Variants in MACROD2 observed in about 807,000 individuals in gnomAD.
MACROD2 encodes ADP-ribose glycohydrolase MACROD2.
MACROD2 carries 36 observed loss-of-function variants against 70.4 expected under a neutral mutation model. The observed-to-expected ratio is 0.51, with a 90% CI of 0.39 to 0.68. The LOEUF (loss-of-function observed/expected upper bound fraction) is 0.68, where lower values mean the gene tolerates loss of function less well. Among genes scored for constraint, MACROD2 ranks in the 30% least tolerant of loss-of-function variants. MACROD2 has a pLI of 0.00. For missense variants in MACROD2, 496 were observed against 538.4 expected, an observed-to-expected ratio of 0.92 and a Z score of 0.78; for synonymous variants, 172 against 178.8, an observed-to-expected ratio of 0.96 and a Z score of 0.30.
At chr20:15,264,891 G>C (rs1344976390) in intron 6 of MACROD2, among the ~76,000 whole-genome samples, 1 of 152,146 alleles carries the variant, frequency 6.6e-6, no homozygotes, top group Non-Finnish European at 1.5e-5. Flanking sequence ...CTGGGGAATG[G>C]TGAGAAGTGA....
chr20:14,139,515 T>TTTCCCCATACATATATTCTAC (rs1194282963), intron 3 of MACROD2, among the ~76,000 whole-genome samples: 1 of 152,208 alleles, frequency 6.6e-6, no homozygotes, highest in African/African-American at 2.4e-5. Flanking sequence ...TCCCCATACT[T>TTTCCCCATACATATATTCTAC]ATATATTTTA....
chr20:14,725,712 G>A (rs895557481), intron 5 of MACROD2, among the ~76,000 whole-genome samples: 17 of 152,068 alleles, frequency 1.1e-4, no homozygotes, highest in Admixed American at 8.5e-4. Context: ...GCTGGTGACC[G>A]CTGGGAAACA....
At chr20:14,161,345 AC>A (rs1351725534) in intron 3 of MACROD2, among the ~76,000 whole-genome samples, 4 of 150,858 alleles carry the variant, frequency 2.7e-5, no homozygotes, top group Non-Finnish European at 5.9e-5. Context: ...ACGCCACCAC[AC>A]CCAGCTAATT....
intron 3 of MACROD2, among the ~76,000 whole-genome samples, chr20:14,276,769 A>G (rs1302699244): frequency 6.6e-6 from 1 of 152,162 alleles, no homozygotes; most frequent in African/African-American, 2.4e-5. Flanking sequence ...CATTAAGACT[A>G]TTATTTTCTG....
At chr20:14,243,923 A>G (rs973071627) in intron 3 of MACROD2, among the ~76,000 whole-genome samples, 4 of 152,206 alleles carry the variant, frequency 2.6e-5, no homozygotes, top group African/African-American at 7.2e-5. Flanking sequence ...CATATGCTAG[A>G]CAGGGCCAGG....
At chr20:16,001,094 G>T (rs1412934385) in intron 15 of MACROD2, among the ~76,000 whole-genome samples, 1 of 152,098 alleles carries the variant, frequency 6.6e-6, no homozygotes, top group Admixed American at 6.6e-5. Context: ...ATTTTGATTT[G>T]GATTTCAAAT....
intron 4 of MACROD2, among the ~76,000 whole-genome samples, chr20:14,508,575 A>G (rs895821655): frequency 2.6e-5 from 4 of 152,212 alleles, no homozygotes; most frequent in African/African-American, 9.6e-5. Flanking sequence ...TTAAAAGTTC[A>G]CTTTTCATCA....
chr20:15,657,629 T>A (rs1478799880), intron 8 of MACROD2, among the ~76,000 whole-genome samples: 1 of 152,204 alleles, frequency 6.6e-6, no homozygotes, highest in Non-Finnish European at 1.5e-5. Flanking sequence ...TTAAATGGGC[T>A]ACAGAAAAAT....
At chr20:14,481,912 G>A (rs1001234184) in intron 3 of MACROD2, among the ~76,000 whole-genome samples, 1 of 152,258 alleles carries the variant, frequency 6.6e-6, no homozygotes, top group South Asian at 2.1e-4. Flanking sequence ...TTAGAAAATT[G>A]TCTTCAGGAT....
intron 3 of MACROD2, among the ~76,000 whole-genome samples, chr20:14,263,972 AACACACACACACACACACACACACACAC>A (rs71190124): frequency 1.0e-4 from 13 of 127,190 alleles, no homozygotes; most frequent in African/African-American, 1.5e-4. Context: ...ACCCTATCTA[AACACACACACACACACACACACACACAC>A]ACACACACAC....
intron 7 of MACROD2, among the ~76,000 whole-genome samples, chr20:15,456,737 T>G (rs2046731768): frequency 6.6e-6 from 1 of 152,140 alleles, no homozygotes; most frequent in African/African-American, 2.4e-5. Flanking sequence ...CTGGAGAGCT[T>G]AAGAAATACC....
At chr20:15,014,348 T>G (rs1223390185) in intron 5 of MACROD2, among the ~76,000 whole-genome samples, 1 of 152,122 alleles carries the variant, frequency 6.6e-6, no homozygotes, top group Non-Finnish European at 1.5e-5. Context: ...AGCCCTCCTT[T>G]TATGGTGATG....
chr20:15,574,619 C>A (rs1461152192), intron 8 of MACROD2, among the ~76,000 whole-genome samples: 2 of 152,090 alleles, frequency 1.3e-5, no homozygotes, highest in African/African-American at 4.8e-5. Flanking sequence ...TCATTTCAGC[C>A]TCAGGGCAAT....
At chr20:14,964,804 A>T (rs1161578893) in intron 5 of MACROD2, among the ~76,000 whole-genome samples, 2 of 152,142 alleles carry the variant, frequency 1.3e-5, no homozygotes, top group Non-Finnish European at 2.9e-5. Context: ...CGCTCAACTA[A>T]AAATGGGAAG....
intron 5 of MACROD2, among the ~76,000 whole-genome samples, chr20:14,748,526 A>T (rs2071828929): frequency 6.6e-6 from 1 of 152,090 alleles, no homozygotes. Context: ...GTCACCTTTA[A>T]TGCATACCTT....
intron 6 of MACROD2, among the ~76,000 whole-genome samples, chr20:15,334,676 G>GAAA (rs2078029460): frequency 6.6e-6 from 1 of 151,212 alleles, no homozygotes; most frequent in Admixed American, 6.6e-5. Context: ...TGAAGAGCTG[G>GAAA]GCACCATGGA....
intron 4 of MACROD2, among the ~76,000 whole-genome samples, chr20:14,605,069 C>G (rs1219486963): frequency 6.6e-6 from 1 of 152,168 alleles, no homozygotes; most frequent in African/African-American, 2.4e-5. Context: ...ACACTTTAAT[C>G]TCTTCAATTC....
At chr20:15,199,057 A>G (rs1339547903) in intron 5 of MACROD2, among the ~76,000 whole-genome samples, 1 of 147,552 alleles carries the variant, frequency 6.8e-6, no homozygotes, top group Non-Finnish European at 1.5e-5. Flanking sequence ...GATAGTGGCA[A>G]CTGGACAGAT....
intron 8 of MACROD2, among the ~76,000 whole-genome samples, chr20:15,781,788 T>G (rs1242562585): frequency 6.6e-6 from 1 of 152,092 alleles, no homozygotes; most frequent in East Asian, 1.9e-4. Flanking sequence ...CTAGAGGGGA[T>G]GATACCCGAG....
Sources: gnomAD v4.1 joint callset for allele counts (sites outside exome capture counted in the v4.1 genomes callset) on GRCh38, gnomAD v4.1.1 for gene constraint, MANE v1.5 for transcripts, NCBI Gene and HGNC (gene_info 2026-07-23, HGNC 2026-07-21) for gene names.